GAL3ST3: variants seen among roughly 807,000 people sequenced by gnomAD.
GAL3ST3 encodes the protein beta-galactose-3-O-sulfotransferase 3.
GAL3ST3 carries 21 observed loss-of-function variants against 20.8 expected under a neutral mutation model. That is an observed-to-expected ratio of 1.01 (90% confidence interval 0.72 to 1.45). GAL3ST3 has a LOEUF of 1.45. Ranked by LOEUF, GAL3ST3 falls within the 40% of genes most tolerant of loss-of-function variation. The pLI is 0.00. For synonymous variants in GAL3ST3, 355 were observed against 307.2 expected (o/e 1.16, Z -1.63); for missense variants, 739 against 662.7 (o/e 1.12, Z -1.26).
In GAL3ST3 at chr11:66,043,117, C is replaced by T. The variant is rs1478693087; in HGVS notation, c.686G>A (p.Arg229His). The change falls in exon 3 of 3, where the codon CGC becomes CAC. Residue 229 changes from arginine to histidine, a missense_variant. By Grantham distance (29) the Arg-to-His change is conservative. Coordinates refer to ENST00000312006, the MANE Select transcript of GAL3ST3 (RefSeq NM_033036.3). ...GAGCGAGAAAACCTCCTCCACCTGG[C>T]GGATGAGGCCCGCCAGGTAGGCGGC... ...DDAAYLAGLIRQVEEVFSLVM... is the reference protein window; with the variant it reads ...DDAAYLAGLIHQVEEVFSLVM... 5 of 1,611,644 alleles carry T rather than the reference C, an allele frequency of 3.1e-6. No individual in the cohort carries two copies. In the Admixed American group the frequency reaches 5.0e-5, roughly 16 times the overall value.
chr11:66,043,760 T>C, intron 2 of GAL3ST3, 83 bp from the exon 3 acceptor site: 1 of 1,287,586 alleles, frequency 7.8e-7, no homozygotes. Flanking sequence ...GACTGTGGGA[T>C]GCCCCACAGC....
intron 2 of GAL3ST3, chr11:66,045,073 G>A (rs979291706): frequency 2.5e-6 from 1 of 400,422 alleles, no homozygotes; most frequent in Non-Finnish European, 4.5e-6. Flanking sequence ...GCTGTGGGGA[G>A]TTGAGCTGGA....
intron 1 of GAL3ST3, among the ~76,000 whole-genome samples, chr11:66,045,892 G>A (rs1856778416): frequency 1.3e-5 from 2 of 152,146 alleles, no homozygotes; most frequent in African/African-American, 2.4e-5. Context: ...TCAACTCAAA[G>A]TTTCCTCTCC....
chr11:66,045,090 T>G (rs1367920950), intron 2 of GAL3ST3: 4 of 421,262 alleles, frequency 9.5e-6, no homozygotes, highest in Middle Eastern at 6.1e-4. Flanking sequence ...TGGATTCGGA[T>G]CTCAGCTAAC....
chr11:66,046,578 C>T (rs1019846419), intron 1 of GAL3ST3, among the ~76,000 whole-genome samples: 1 of 152,188 alleles, frequency 6.6e-6, no homozygotes, highest in Non-Finnish European at 1.5e-5. Context: ...AGCTTCCATC[C>T]CAGGTAAGCC....
chr11:66,045,206 G>T, intron 2 of GAL3ST3, 85 bp downstream of exon 2: 1 of 1,221,604 alleles, frequency 8.2e-7, no homozygotes, highest in Non-Finnish European at 1.1e-6. Flanking sequence ...GAATAGAGGG[G>T]AGGAGCAAAG....
At position 66,042,153 on chromosome 11, in the gene GAL3ST3, T is replaced by G; in HGVS notation, c.*354A>C. 10 of 193,222 alleles carry G rather than the reference T, an allele frequency of 5.2e-5. No individual in the cohort carries two copies. The highest frequency in any genetic ancestry group is 1.2e-4 in the East Asian group (1 of 8,690). 12.0% of individuals were successfully genotyped at this position (193,222 alleles called of 1,614,324 possible). ...TTCCCTAGGGCTGAGCCTCTCTCCATGGGGCCTGGGCTTATCCACTTGGAA... is the reference window on the plus strand; with the variant it reads ...TTCCCTAGGGCTGAGCCTCTCTCCAGGGGGCCTGGGCTTATCCACTTGGAA... On this transcript the variant is annotated 3_prime_UTR_variant, in exon 3 of 3. Transcript: ENST00000312006.
At position 66,042,457 on chromosome 11, in the gene GAL3ST3, GACTCCTGGGAGGGCAGGGCAGGACCCAT is replaced by G. The variant is rs771322051; in HGVS notation, c.*22_*49del. 5 of 1,355,098 alleles carry G rather than the reference GACTCCTGGGAGGGCAGGGCAGGACCCAT, an allele frequency of 3.7e-6. No homozygotes were observed. Among genetic ancestry groups the G allele is most frequent in the Middle Eastern group, 2.6e-4 (1 of 3,828 alleles). 83.9% of individuals were successfully genotyped at this position (1,355,098 alleles called of 1,614,324 possible). A position where few individuals can be genotyped will look rare whatever the true frequency, so the allele number is the denominator to read the frequency against. ...AGGACATGGAGGCAGCCCCTGGCTG[GACTCCTGGGAGGGCAGGGCAGGACCCAT>G]ACTCCTGGAGGCCTGCGGAGCTCAG... is the stretch of plus-strand genomic sequence containing the variant. On this transcript the variant is annotated 3_prime_UTR_variant, in exon 3 of 3. Transcript: ENST00000312006.
rs369900998 is a variant in GAL3ST3 at position 66,045,171 on chromosome 11, T to C, written c.125+120A>G. The C allele has an allele frequency of 4.8e-4, 391 of 816,284 alleles. 1 individual carries two copies. The South Asian group carries it at 8.8e-3, about 18-fold the overall frequency. 50.6% of individuals were successfully genotyped at this position (816,284 alleles called of 1,614,324 possible). A position where few individuals can be genotyped will look rare whatever the true frequency, so the allele number is the denominator to read the frequency against. On this transcript the variant is annotated intron_variant, in intron 2 of 2. Coordinates refer to ENST00000312006, the MANE Select transcript of GAL3ST3 (RefSeq NM_033036.3). The stretch of plus-strand genomic sequence containing the variant: ...GCAGTCCCTGTCCAGGGAGGCTGTG[T>C]GGCCCTAAAGGGAAAGCACTTTCAG...
At chr11:66,043,726 G>T (rs756978331) in intron 2 of GAL3ST3, 49 bp from the exon 3 acceptor site, 2 of 1,494,164 alleles carry the variant, frequency 1.3e-6, no homozygotes, top group Admixed American at 2.0e-5. Flanking sequence ...GGGGGCTGCC[G>T]CTTGACCCCT....
At chr11:66,046,300 C>T (rs1856782498) in intron 1 of GAL3ST3, among the ~76,000 whole-genome samples, 1 of 152,218 alleles carries the variant, frequency 6.6e-6, no homozygotes, top group Non-Finnish European at 1.5e-5. Flanking sequence ...GGCAATTCTG[C>T]ATCCTTCTGA....
intron 2 of GAL3ST3, 65 bp downstream of exon 2, chr11:66,045,226 A>C: frequency 8.1e-6 from 11 of 1,365,942 alleles, no homozygotes; most frequent in Non-Finnish European, 1.1e-5. Flanking sequence ...GCCTAGCAGG[A>C]CCCTTCTAGC....
rs372363098 is a variant in GAL3ST3 at position 66,045,367 on chromosome 11, G to C, written c.49C>G (p.Arg17Gly). The C allele has an allele frequency of 1.0e-4, 162 of 1,607,432 alleles. No homozygotes were observed. Among genetic ancestry groups the C allele is most frequent in the Non-Finnish European group, 1.4e-4 (159 of 1,176,684 alleles). ...RLQQATKMMS[R>G]RKILLLVLGC... ...AGCACCAGCAGCAGGATTTTCCGGC[G>C]GCTCATCATCTTGGTGGCCTGCTGC... The change falls in exon 2 of 3, where the codon CGC (arginine) becomes GGC (glycine). Residue 17 changes from arginine to glycine, a missense_variant. Arg to Gly is a moderately radical substitution (Grantham distance 125). Transcript: ENST00000312006.
At chr11:66,046,718 C>A (rs1460096289) in intron 1 of GAL3ST3, among the ~76,000 whole-genome samples, 1 of 152,244 alleles carries the variant, frequency 6.6e-6, no homozygotes, top group Non-Finnish European at 1.5e-5. Flanking sequence ...TGATGCCTGT[C>A]CCCAAGCTAG....
At position 66,045,328 on chromosome 11, in the gene GAL3ST3, C is replaced by G. The variant is rs79299240; in HGVS notation, c.88G>C (p.Val30Leu). 2 of 1,599,766 alleles carry G rather than the reference C, an allele frequency of 1.3e-6. No individual in the cohort carries two copies. The highest frequency in any genetic ancestry group is 1.7e-6 in the Non-Finnish European group (2 of 1,172,528). ...ILLLVLGCST[V>L]SLLIHQGAQL... ...GCCCCCTGGTGGATGAGAAGGCTTACGGTGCTGCACCCTAGCACCAGCAGC... is the reference window on the plus strand; with the variant it reads ...GCCCCCTGGTGGATGAGAAGGCTTAGGGTGCTGCACCCTAGCACCAGCAGC... The change falls in exon 2 of 3, where the codon GTA (valine) becomes CTA (leucine). Residue 30 changes from valine to leucine, a missense_variant. Coordinates refer to ENST00000312006, the MANE Select transcript of GAL3ST3 (RefSeq NM_033036.3).
At chr11:66,046,502 G>A (rs545878754) in intron 1 of GAL3ST3, among the ~76,000 whole-genome samples, 5 of 152,318 alleles carry the variant, frequency 3.3e-5, no homozygotes, top group South Asian at 2.1e-4. Flanking sequence ...CAGCCTGGGC[G>A]GGGTGTGGGT....
At chr11:66,044,669 T>G (rs1856760943) in intron 2 of GAL3ST3, among the ~76,000 whole-genome samples, 1 of 152,220 alleles carries the variant, frequency 6.6e-6, no homozygotes, top group African/African-American at 2.4e-5. Flanking sequence ...AGAAATACAG[T>G]AATATACAAA....
At chr11:66,045,595 A>C in intron 1 of GAL3ST3, 68 bp from the exon 2 acceptor site, 2 of 551,546 alleles carry the variant, frequency 3.6e-6, no homozygotes. Flanking sequence ...AGCAGGTCTG[A>C]TGCAAAGAGC....
chr11:66,045,295 T>C lies in GAL3ST3; in HGVS notation c.121A>G (p.Ser41Gly). ...SLLIHQGAQL[S>G]WYPKLFPLSC... ...CCTGGGGCCCCGCCCCCTTACCAGCTGAGCTGCGCCCCCTGGTGGATGAGA... is the reference window on the plus strand; with the variant it reads ...CCTGGGGCCCCGCCCCCTTACCAGCCGAGCTGCGCCCCCTGGTGGATGAGA... The change falls in exon 2 of 3, where the codon AGC becomes GGC. Residue 41 changes from serine (S) to glycine (G), a missense_variant. By Grantham distance (56) the Ser-to-Gly change is moderately conservative (BLOSUM62 0). Coordinates refer to ENST00000312006, the MANE Select transcript of GAL3ST3 (RefSeq NM_033036.3). 1 of 1,570,798 alleles carries C rather than the reference T, an allele frequency of 6.4e-7. No homozygotes were observed. Among genetic ancestry groups the C allele is most frequent in the Non-Finnish European group, 8.6e-7 (1 of 1,158,314 alleles).
Sources: allele counts gnomAD v4.1 joint callset (sites outside exome capture counted in the v4.1 genomes callset), GRCh38; gene constraint gnomAD v4.1.1; transcripts MANE v1.5; gene names NCBI Gene and HGNC (gene_info 2026-07-23, HGNC 2026-07-21).